Variants in SLC7A14 observed in about 807,000 individuals in gnomAD.
SLC7A14 encodes the protein solute carrier family 7 member 14.
A neutral mutation model predicts 60.2 loss-of-function variants in SLC7A14; 37 were observed. The ratio of observed to expected loss-of-function variants is 0.61; its 90% confidence interval spans 0.47 to 0.81. SLC7A14 has a LOEUF of 0.81. SLC7A14 is among the 30% of genes least tolerant of loss of function. SLC7A14 has a pLI of 0.00. For missense variants in SLC7A14, 886 were observed against 982.7 expected (o/e 0.90, Z 1.32); for synonymous variants, 399 against 395.8 (o/e 1.01, Z -0.10).
intron 1 of SLC7A14, among the ~76,000 whole-genome samples, chr3:170,555,946 T>C (rs1714474572): frequency 6.6e-6 from 1 of 152,226 alleles, no homozygotes; most frequent in South Asian, 2.1e-4. Context: ...TGATGTTTGC[T>C]TAGAAGAGAT....
rs1273444132 is a variant in SLC7A14, at chr3:170,463,188, G to A, written c.*3867C>T. The stretch of plus-strand genomic sequence containing the variant: ...CTTCCTAGCATTATTTCTTATTGTT[G>A]CATGTATAAGTCATGCATAAATCAT... On this transcript the variant is annotated 3_prime_UTR_variant, in exon 8 of 8. Transcript: ENST00000231706. 1 of 152,058 alleles carries A rather than the reference G, an allele frequency of 6.6e-6. No individual in the cohort carries two copies. The highest frequency in any genetic ancestry group is 2.4e-5 in the African/African-American group (1 of 41,382). 9.4% of individuals were successfully genotyped at this position (152,058 alleles called of 1,614,324 possible). A position where few individuals can be genotyped will look rare whatever the true frequency, so the allele number is the denominator to read the frequency against.
intron 4 of SLC7A14, among the ~76,000 whole-genome samples, chr3:170,493,118 A>C (rs1712272043): frequency 6.6e-6 from 1 of 152,246 alleles, no homozygotes; most frequent in South Asian, 2.1e-4. Context: ...AGATAGTATC[A>C]AGAACAAATA....
At chr3:170,561,341 TA>T (rs1714644044) in intron 1 of SLC7A14, among the ~76,000 whole-genome samples, 2 of 152,232 alleles carry the variant, frequency 1.3e-5, no homozygotes, top group South Asian at 2.1e-4. Context: ...TGCATCTTCG[TA>T]CAAAATATAT....
chr3:170,574,295 A>C (rs149669477), intron 1 of SLC7A14, among the ~76,000 whole-genome samples: 66 of 152,334 alleles, frequency 4.3e-4, no homozygotes, highest in African/African-American at 1.5e-3. Flanking sequence ...TACAGTAATG[A>C]AATGCATCAT....
At chr3:170,481,211 A>G in intron 6 of SLC7A14, 45 bp from the exon 7 acceptor site, 4 of 1,567,854 alleles carry the variant, frequency 2.6e-6, no homozygotes, top group Non-Finnish European at 3.5e-6. Context: ...AGCTACAGTG[A>G]CCGATTCCAG....
At chr3:170,565,666 C>T (rs1222346237) in intron 1 of SLC7A14, among the ~76,000 whole-genome samples, 1 of 152,126 alleles carries the variant, frequency 6.6e-6, no homozygotes, top group Non-Finnish European at 1.5e-5. Context: ...ACTTCCTCTT[C>T]TTGCTGGTGT....
chr3:170,486,618 A>G (rs570297652), intron 4 of SLC7A14, among the ~76,000 whole-genome samples: 1 of 152,160 alleles, frequency 6.6e-6, no homozygotes, highest in Non-Finnish European at 1.5e-5. Context: ...TCATGCCTGT[A>G]ATCACAGCAC....
intron 2 of SLC7A14, among the ~76,000 whole-genome samples, chr3:170,502,557 G>T (rs1005103681): frequency 6.6e-6 from 1 of 152,140 alleles, no homozygotes; most frequent in Non-Finnish European, 1.5e-5. Flanking sequence ...CATACCAGGG[G>T]TGGGATGTAA....
chr3:170,510,951 G>A (rs567904870), intron 2 of SLC7A14, among the ~76,000 whole-genome samples: 1 of 152,324 alleles, frequency 6.6e-6, no homozygotes, highest in East Asian at 1.9e-4. Context: ...GCCGAGGCCA[G>A]CATCAGCAGC....
At chr3:170,557,389 A>G (rs1216039786) in intron 1 of SLC7A14, among the ~76,000 whole-genome samples, 1 of 152,122 alleles carries the variant, frequency 6.6e-6, no homozygotes, top group African/African-American at 2.4e-5. Flanking sequence ...TTTGTTACCT[A>G]GAGAGGTTCA....
intron 1 of SLC7A14, among the ~76,000 whole-genome samples, chr3:170,555,481 C>T (rs941730761): frequency 2.0e-5 from 3 of 152,032 alleles, no homozygotes; most frequent in Non-Finnish European, 4.4e-5. Context: ...CCACTATATC[C>T]AGTCATGCAT....
At chr3:170,501,366 C>G (rs1712604235) in intron 2 of SLC7A14, 21 bp from the exon 3 acceptor site, 3 of 1,602,968 alleles carry the variant, frequency 1.9e-6, no homozygotes, top group South Asian at 1.1e-5. Context: ...CAGACATACA[C>G]AGATGGTGGA....
rs1471553437 is a variant in SLC7A14 at position 170,585,416 on chromosome 3, C to T, written c.-153+495G>A. Among the ~76,000 whole-genome samples the T allele has an allele frequency of 6.6e-6, 1 of 152,210 alleles. No homozygotes were observed. Among genetic ancestry groups the T allele is most frequent in the Admixed American group, 6.5e-5 (1 of 15,290 alleles). On this transcript the variant is annotated intron_variant, in intron 1 of 7. Transcript: ENST00000231706. This position sits in a 1 kb window ranked among gnomAD's most constrained non-coding sequence, Gnocchi z 5.1. The stretch of plus-strand genomic sequence containing the variant: ...AAAGGGCAGACGTTGCTCCCGACCT[C>T]CCCGGAGTCTGCGGCCGGAAAAGCG...
In SLC7A14 at chr3:170,559,612, A is replaced by T. The variant is rs188203803; in HGVS notation, c.-153+26299T>A. Among the ~76,000 whole-genome samples the T allele has an allele frequency of 1.4e-3, 215 of 152,342 alleles. 2 individuals carry two copies. Among genetic ancestry groups the T allele is most frequent in the Admixed American group, 0.014 (212 of 15,296 alleles). On this transcript the variant is annotated intron_variant, in intron 1 of 7. Coordinates refer to ENST00000231706, the MANE Select transcript of SLC7A14 (RefSeq NM_020949.3). ...TTATTCAAGAAAGAGATGTTGATTA[A>T]TCCATGTTCTAATTAAATGCCACAG...
rs537085360 is a variant in SLC7A14 at position 170,547,313 on chromosome 3, G to A, written c.-152-20225C>T. Among the ~76,000 whole-genome samples the A allele has an allele frequency of 3.9e-5, 6 of 152,062 alleles. No individual in the cohort carries two copies. In the South Asian group the frequency reaches 8.3e-4, roughly 21 times the overall value. ...ATATATACCAATTGTAAATAAAGTC[G>A]ACCCTTGAACAACACTGGGGCTAGG... On this transcript the variant is annotated intron_variant, in intron 1 of 7. Coordinates refer to ENST00000231706, the MANE Select transcript of SLC7A14 (RefSeq NM_020949.3).
rs200211446 is a variant in SLC7A14, at chr3:170,480,555, A to T, written c.1727T>A (p.Met576Lys). 6.3e-5 allele frequency: 102 copies of T among 1,614,098 alleles called. No individual in the cohort carries two copies. The highest frequency in any genetic ancestry group is 8.1e-5 in the Non-Finnish European group (96 of 1,180,038). Reference sequence around the variant, plus strand: ...GATGATGAAGGAGCAGAAGATGAACATGAGGATGAAGAGCAGGAGCACGCA... The same window carrying T: ...GATGATGAAGGAGCAGAAGATGAACTTGAGGATGAAGAGCAGGAGCACGCA... ...TICVLLLFIL[M>K]FIFCSFIIFG... Residue 576 changes from methionine (M) to lysine (K), a missense_variant, in exon 7 of 8, where the codon ATG becomes AAG. Transcript: ENST00000231706.
At position 170,499,984 on chromosome 3, in the gene SLC7A14, G is replaced by A. The variant is rs1011701038; in HGVS notation, c.542-1100C>T. ...GTTCTTTATATTTTTATCTTGTCAT[G>A]GTACTTGGGTGCTCAGCATTTTTGT... On this transcript the variant is annotated intron_variant, in intron 3 of 7. Transcript: ENST00000231706. Among the ~76,000 whole-genome samples the A allele has an allele frequency of 4.6e-5, 7 of 152,280 alleles. No individual in the cohort carries two copies. In the South Asian group the frequency reaches 1.5e-3, roughly 32 times the overall value.
At chr3:170,584,423 AC>A (rs1715319800) in intron 1 of SLC7A14, among the ~76,000 whole-genome samples, 1 of 152,132 alleles carries the variant, frequency 6.6e-6, no homozygotes, top group Non-Finnish European at 1.5e-5. Flanking sequence ...CACTTTACCG[AC>A]AGGAAGTCTC....
rs370622332 is a variant in SLC7A14, at chr3:170,501,206, C to T, written c.444G>A (p.Ala148=). 36 of 1,614,190 alleles carry T rather than the reference C, an allele frequency of 2.2e-5. 1 individual carries two copies. Among genetic ancestry groups the T allele is most frequent in the Admixed American group, 1.0e-4 (6 of 60,032 alleles). Residue 148 remains alanine (A), a synonymous_variant, in exon 3 of 8, where the codon GCG becomes GCA. Coordinates refer to ENST00000231706, the MANE Select transcript of SLC7A14 (RefSeq NM_020949.3). ...NLILEYLIGT[A]AGASALSSMF... is the part of the protein sequence containing the mutation. ...TGCTGCTCAGAGCACTGGCTCCGGC[C>T]GCAGTGCCAATCAGGTACTCCAGGA...
Sources: allele counts gnomAD v4.1 joint callset (sites outside exome capture counted in the v4.1 genomes callset), GRCh38; gene constraint gnomAD v4.1.1; non-coding constraint Gnocchi (gnomAD v3.1); transcripts MANE v1.5; gene names NCBI Gene and HGNC (gene_info 2026-07-23, HGNC 2026-07-21).